Variants in SZT2 observed in about 807,000 individuals in gnomAD.
SZT2 encodes KICSTOR complex protein SZT2.
A neutral mutation model predicts 404.2 loss-of-function variants in SZT2; 216 were observed. That is an observed-to-expected ratio of 0.53 (90% CI 0.48 to 0.60). The LOEUF (loss-of-function observed/expected upper bound fraction) is 0.60, where lower values mean the gene tolerates loss of function less well. SZT2 is among the 20% of genes least tolerant of loss of function. SZT2 has a pLI of 0.00. For missense variants in SZT2, 3,857 were observed against 4,459.2 expected, an observed-to-expected ratio of 0.86 and a Z score of 3.85; for synonymous variants, 1,693 against 1,749.9, an observed-to-expected ratio of 0.97 and a Z score of 0.81.
chr1:43,438,423 G>A (rs1026915960), intron 46 of SZT2, among the ~76,000 whole-genome samples: 8 of 152,208 alleles, frequency 5.3e-5, no homozygotes, highest in South Asian at 2.1e-4. Context: ...AACTTCTAGT[G>A]TAATTCTTGC....
At chr1:43,392,396 T>A (rs1648496789) in intron 1 of SZT2, among the ~76,000 whole-genome samples, 2 of 151,126 alleles carry the variant, frequency 1.3e-5, no homozygotes, top group Admixed American at 1.3e-4. Context: ...ATCCTGGGAG[T>A]CTCAGCCAAA....
At position 43,448,677 on chromosome 1, in the gene SZT2, C is replaced by G; in HGVS notation, c.10035C>G (p.Phe3345Leu). Residue 3345 changes from phenylalanine (F) to leucine (L), a missense_variant, in exon 70 of 72, where the codon TTC becomes TTG. Phe to Leu is a conservative substitution (Grantham distance 22, BLOSUM62 0). Transcript: ENST00000634258. This position sits in a 1 kb window ranked among gnomAD's most constrained non-coding sequence, Gnocchi z 4.2. ...QSLIKVLLSR[F>L]PQSCRHFQSP... is the part of the protein sequence containing the mutation. ...TGATCAAAGTTCTCCTAAGCCGCTT[C>G]CCCCAGAGCTGTCGCCATTTCCAAA... The G allele has an allele frequency of 6.2e-7, 1 of 1,614,216 alleles. No homozygotes were observed. The highest frequency in any genetic ancestry group is 8.5e-7 in the Non-Finnish European group (1 of 1,180,042).
intron 5 of SZT2, among the ~76,000 whole-genome samples, chr1:43,415,748 AT>A (rs1455180768): frequency 6.6e-6 from 1 of 152,232 alleles, no homozygotes; most frequent in Non-Finnish European, 1.5e-5. Context: ...GCTTCATCTG[AT>A]GCCGAACTCC....
chr1:43,453,676 GC>G lies in SZT2; in HGVS notation c.*3198del. 6.8e-7 allele frequency: 1 copy of G among 1,470,124 alleles called. No individual in the cohort carries two copies. Among genetic ancestry groups the G allele is most frequent in the Non-Finnish European group, 8.9e-7 (1 of 1,119,440 alleles). 91.1% of individuals were successfully genotyped at this position (1,470,124 alleles called of 1,614,324 possible). A position where few individuals can be genotyped will look rare whatever the true frequency, so the allele number is the denominator to read the frequency against. ...AGCGCCTCAGGCGTCTCCGCGTACG[GC>G]CAGGCCACCTCGACGGCCTCGAAGC... On this transcript the variant is annotated 3_prime_UTR_variant, in exon 72 of 72. Transcript: ENST00000634258.
chr1:43,434,246 A>G (rs1557576528), intron 40 of SZT2, 140 bp from the exon 41 acceptor site: 3 of 690,690 alleles, frequency 4.3e-6, no homozygotes, highest in Non-Finnish European at 7.1e-6. Flanking sequence ...CTCCCTTTTC[A>G]TGGTTTCTCT....
Position 43,389,955 on chromosome 1 carries a change from G to C in SZT2, c.-14G>C, listed in dbSNP as rs146927083. ...CACCCTCACTGGCCCGGGCCGGCGC[G>C]GGAGGGCTGTGTGATGGCCTCGGAG... On this transcript the variant is annotated 5_prime_UTR_variant, in exon 1 of 72. Coordinates refer to ENST00000634258, the MANE Select transcript of SZT2 (RefSeq NM_001365999.1). 0.035 allele frequency: 50,547 copies of C among 1,450,258 alleles called. 1,008 individuals are homozygous for C. The highest frequency in any genetic ancestry group is 0.039 in the Non-Finnish European group (43,415 of 1,101,742). The allele number at this position is 1,450,258 out of a possible 1,614,324, so 89.8% of individuals were successfully genotyped here.
At position 43,439,245 on chromosome 1, in the gene SZT2, G is replaced by A; in HGVS notation, c.6793-113G>A. 1.3e-6 allele frequency: 2 copies of A among 1,520,426 alleles called. No homozygotes were observed. Among genetic ancestry groups the A allele is most frequent in the Non-Finnish European group, 1.8e-6 (2 of 1,100,428 alleles). 94.2% of individuals were successfully genotyped at this position (1,520,426 alleles called of 1,614,324 possible). On this transcript the variant is annotated intron_variant, in intron 48 of 71. Coordinates refer to ENST00000634258, the MANE Select transcript of SZT2 (RefSeq NM_001365999.1). The surrounding 1 kb of genome is among the most constrained non-coding windows in gnomAD (Gnocchi z 4.2). ...CCGGGGACCATTATTACCCGCCTGT[G>A]TCTTCTCATGCTCCCATATCTACCT...
Position 43,451,002 on chromosome 1 carries a change from C to G in SZT2, c.*522C>G. The G allele has an allele frequency of 2.6e-6, 2 of 767,342 alleles. No homozygotes were observed. The highest frequency in any genetic ancestry group is 4.8e-6 in the Non-Finnish European group (2 of 420,692). 47.5% of individuals were successfully genotyped at this position (767,342 alleles called of 1,614,324 possible). ...CCGTCAAGTCCCTTTGCTCTCGGACCCTGGGTTTCTCATCCTTTAATGAGG... is the reference window on the plus strand; with the variant it reads ...CCGTCAAGTCCCTTTGCTCTCGGACGCTGGGTTTCTCATCCTTTAATGAGG... On this transcript the variant is annotated 3_prime_UTR_variant, in exon 72 of 72. Transcript: ENST00000634258.
rs116552821 is a variant in SZT2 at position 43,423,589 on chromosome 1, G to A, written c.2255+273G>A. 0.021 allele frequency among the ~76,000 whole-genome samples: 2,915 copies of A among 136,128 alleles called. 87 individuals carry two copies. The highest frequency in any genetic ancestry group is 0.079 in the African/African-American group (2,751 of 34,762). The allele number at this position is 136,128 out of a possible 152,430, so 89.3% of individuals were successfully genotyped here. A position where few individuals can be genotyped will look rare whatever the true frequency, so the allele number is the denominator to read the frequency against. ...GAGGTGTGGAAGGGCATGGCTTAGC[G>A]GGGTATGAGTGGTACAGAGGTGTGG... On this transcript the variant is annotated intron_variant, in intron 15 of 71. Coordinates refer to ENST00000634258, the MANE Select transcript of SZT2 (RefSeq NM_001365999.1).
At chr1:43,435,446 A>G (rs2153934697) in intron 42 of SZT2, 117 bp downstream of exon 42, 1 of 1,185,234 alleles carries the variant, frequency 8.4e-7, no homozygotes, top group Non-Finnish European at 1.2e-6. Flanking sequence ...AGTGCCAAGT[A>G]CTAGAGAGAG....
Position 43,404,465 on chromosome 1 carries a change from T to G in SZT2, c.413T>G (p.Val138Gly). ...GGCGGGCTGCTTCGGCCCTTCCGAGTGCCTGGATCTTGCATCGACTTCCAG... is the reference window on the plus strand; with the variant it reads ...GGCGGGCTGCTTCGGCCCTTCCGAGGGCCTGGATCTTGCATCGACTTCCAG... ...CLGGLLRPFR[V>G]PGSCIDFQPE... is the part of the protein sequence containing the mutation. The change falls in exon 4 of 72, where the codon GTG (valine) becomes GGG (glycine). Residue 138 changes from valine (V) to glycine (G), a missense_variant. Around this residue, in one of 7 missense-constraint regions of SZT2, gnomAD observed 536 missense variants for 637.4 expected, o/e 0.84. Transcript: ENST00000634258. 2 of 1,614,066 alleles carry G rather than the reference T, an allele frequency of 1.2e-6. No homozygotes were observed. Among genetic ancestry groups the G allele is most frequent in the Non-Finnish European group, 1.7e-6 (2 of 1,180,016 alleles).
rs1201978606 is a variant in SZT2 at position 43,451,137 on chromosome 1, T to C, written c.*657T>C. 5 of 1,141,090 alleles carry C rather than the reference T, an allele frequency of 4.4e-6. No homozygotes were observed. The Admixed American group carries it at 8.5e-5, about 19-fold the overall frequency. 70.7% of individuals were successfully genotyped at this position (1,141,090 alleles called of 1,614,324 possible). Reference sequence around the variant, plus strand: ...AGACACTATGTGTCCCACCACCCCATTACAGAGACATATGACAATGTTCAG... The same window carrying C: ...AGACACTATGTGTCCCACCACCCCACTACAGAGACATATGACAATGTTCAG... On this transcript the variant is annotated 3_prime_UTR_variant, in exon 72 of 72. Transcript: ENST00000634258.
Position 43,426,191 on chromosome 1 carries a change from G to C in SZT2, c.3043+40G>C. 2 of 1,600,416 alleles carry C rather than the reference G, an allele frequency of 1.2e-6. No homozygotes were observed. The highest frequency in any genetic ancestry group is 1.7e-6 in the Non-Finnish European group (2 of 1,169,724). On this transcript the variant is annotated intron_variant, in intron 21 of 71. Transcript: ENST00000634258. This position sits in a 1 kb window ranked among gnomAD's most constrained non-coding sequence, Gnocchi z 4.9. ...TACCCTTTCACCCCACACCTAAAGG[G>C]CCAGCAAGCCTGGAAGTATTAGAAA...
chr1:43,437,974 C>G lies in SZT2; in HGVS notation c.6508+72C>G, dbSNP rs1465774316. The stretch of plus-strand genomic sequence containing the variant: ...AATCCTCTGGGACTTCTCTTAGAAC[C>G]TTGCAAGCATTACACTAGAAGTTAT... On this transcript the variant is annotated intron_variant, in intron 46 of 71. Coordinates refer to ENST00000634258, the MANE Select transcript of SZT2 (RefSeq NM_001365999.1). The surrounding 1 kb of genome is among the most constrained non-coding windows in gnomAD (Gnocchi z 5.3). The G allele has an allele frequency of 6.8e-7, 1 of 1,462,682 alleles. No homozygotes were observed. The highest frequency in any genetic ancestry group is 9.6e-7 in the Non-Finnish European group (1 of 1,046,548). The allele number at this position is 1,462,682 out of a possible 1,614,324, so 90.6% of individuals were successfully genotyped here.
chr1:43,418,593 T>G (rs1651966963), intron 7 of SZT2, among the ~76,000 whole-genome samples: 1 of 152,194 alleles, frequency 6.6e-6, no homozygotes, highest in African/African-American at 2.4e-5. Context: ...TATGTTTTGA[T>G]GTGGTGCCAA....
chr1:43,447,315 G>C, intron 66 of SZT2, 147 bp downstream of exon 66: 1 of 1,128,892 alleles, frequency 8.9e-7, no homozygotes, highest in Non-Finnish European at 1.2e-6. Flanking sequence ...CCATGTTTCT[G>C]TCCTGTGTCT....
Position 43,448,171 on chromosome 1 carries a change from C to A in SZT2, c.9656C>A (p.Pro3219His), listed in dbSNP as rs907143812. The A allele has an allele frequency of 1.2e-6, 2 of 1,611,924 alleles. No individual in the cohort carries two copies. The highest frequency in any genetic ancestry group is 1.7e-6 in the Non-Finnish European group (2 of 1,178,754). ...CGCTTCCGGAAGCCACCCAGACTGC[C>A]CCCTGAGCCAGAGGCTCCTGGGAGT... ...MRRFRKPPRL[P>H]PEPEAPGSSA... Residue 3219 changes from proline to histidine, a missense_variant, in exon 69 of 72, where the codon CCC (proline) becomes CAC (histidine). Transcript: ENST00000634258. The surrounding 1 kb of genome is among the most constrained non-coding windows in gnomAD (Gnocchi z 4.2).
chr1:43,441,352 G>A lies in SZT2; in HGVS notation c.7483G>A (p.Gly2495Ser), dbSNP rs1655039965. The A allele has an allele frequency of 6.2e-7, 1 of 1,614,204 alleles. No homozygotes were observed. The highest frequency in any genetic ancestry group is 1.6e-4 in the Middle Eastern group (1 of 6,062). Residue 2495 changes from glycine (G) to serine (S), a missense_variant, in exon 53 of 72, where the codon GGC (glycine) becomes AGC (serine). Around this residue, in one of 7 missense-constraint regions of SZT2, gnomAD observed 573 missense variants for 592.4 expected, o/e 0.97. Coordinates refer to ENST00000634258, the MANE Select transcript of SZT2 (RefSeq NM_001365999.1). This position sits in a 1 kb window ranked among gnomAD's most constrained non-coding sequence, Gnocchi z 4.8. ...RTPGGAERAP[G>S]SDSGAQRQKR... ...TCCTGGTGGAGCTGAGCGGGCGCCA[G>A]GCTCAGATTCTGGAGCCCAGAGACA...
At chr1:43,414,167 A>G (rs1468446868) in intron 4 of SZT2, among the ~76,000 whole-genome samples, 1 of 152,056 alleles carries the variant, frequency 6.6e-6, no homozygotes, top group African/African-American at 2.4e-5. Context: ...CTGTAATCCC[A>G]GCTGAGGAAG....
Sources: gnomAD v4.1 joint callset for allele counts (sites outside exome capture counted in the v4.1 genomes callset) on GRCh38, gnomAD v4.1.1 for gene constraint, gnomAD v4.1.1 regional missense constraint, Gnocchi (gnomAD v3.1) non-coding constraint, MANE v1.5 for transcripts, NCBI Gene and HGNC (gene_info 2026-07-23, HGNC 2026-07-21) for gene names.